The following ALDH3A2 variants were observed in gnomAD, a reference collection of about 807,000 sequenced individuals.
ALDH3A2 encodes aldehyde dehydrogenase family 3 member A2.
In ALDH3A2, 36 loss-of-function variants were observed where a neutral mutation model predicts 51.3. That is an observed-to-expected ratio of 0.70 (90% confidence interval 0.54 to 0.93). The LOEUF (loss-of-function observed/expected upper bound fraction) is 0.93. Among genes scored for constraint, ALDH3A2 ranks in the 40% least tolerant of loss-of-function variants. The pLI is 0.00. For synonymous variants in ALDH3A2, 199 were observed against 219.8 expected (o/e 0.91, Z 0.84); for missense variants, 552 against 603.1 (o/e 0.92, Z 0.89).
chr17:19,654,372 C>T lies in ALDH3A2; in HGVS notation c.471+1740C>T, dbSNP rs995103663. Reference sequence around the variant, plus strand: ...GCGCTGTGGAGCAGGGGGCGGCGCCCATCAGGGAGGCTCGGGCAGCATGGG... The same window carrying T: ...GCGCTGTGGAGCAGGGGGCGGCGCCTATCAGGGAGGCTCGGGCAGCATGGG... On this transcript the variant is annotated intron_variant, in intron 3 of 9. Coordinates refer to ENST00000176643, the MANE Select transcript of ALDH3A2 (RefSeq NM_000382.3). This position sits in a 1 kb window ranked among gnomAD's most constrained non-coding sequence, Gnocchi z 4.5. Among the ~76,000 whole-genome samples, 1 of 152,222 alleles carries T rather than the reference C, an allele frequency of 6.6e-6. No homozygotes were observed. Among genetic ancestry groups the T allele is most frequent in the African/African-American group, 2.4e-5 (1 of 41,466 alleles).
At chr17:19,653,406 G>A (rs954557199) in intron 3 of ALDH3A2, among the ~76,000 whole-genome samples, 3 of 152,158 alleles carry the variant, frequency 2.0e-5, no homozygotes, top group Admixed American at 1.3e-4. Context: ...GACCCTTGCA[G>A]TGAGTGTTAC....
chr17:19,675,281 A>C (rs1028318920), intron 9 of ALDH3A2: 8 of 445,978 alleles, frequency 1.8e-5, no homozygotes, highest in African/African-American at 3.9e-5. Flanking sequence ...CTCTACTCTG[A>C]CATTAGCTAG....
At chr17:19,661,439 T>C (rs2084965456) in intron 6 of ALDH3A2, 171 bp downstream of exon 6, 1 of 768,878 alleles carries the variant, frequency 1.3e-6, no homozygotes, top group Admixed American at 2.7e-5. Flanking sequence ...CTATTTAAAA[T>C]GTCTGTGTTT....
rs1019843954 is a variant in ALDH3A2 at position 19,676,650 on chromosome 17, C to T, written c.*1078C>T. 6.6e-6 allele frequency: 1 copy of T among 152,158 alleles called. No individual in the cohort carries two copies. The highest frequency in any genetic ancestry group is 1.5e-5 in the Non-Finnish European group (1 of 68,054). The allele number at this position is 152,158 out of a possible 1,614,324, so 9.4% of individuals were successfully genotyped here. On this transcript the variant is annotated 3_prime_UTR_variant, in exon 10 of 10. Coordinates refer to ENST00000176643, the MANE Select transcript of ALDH3A2 (RefSeq NM_000382.3). ...CTTGGGCAACAGAGCAAGACCCTGT[C>T]TCCGAAACAAATAAAAAATACTGTA...
In ALDH3A2 at chr17:19,661,357, TA is replaced by T. The variant is rs758544207; in HGVS notation, c.940+90del. 3 of 1,442,110 alleles carry T rather than the reference TA, an allele frequency of 2.1e-6. No individual in the cohort carries two copies. In the African/African-American group the frequency reaches 4.2e-5, roughly 20 times the overall value. 89.3% of individuals were successfully genotyped at this position (1,442,110 alleles called of 1,614,324 possible). A position where few individuals can be genotyped will look rare whatever the true frequency, so the allele number is the denominator to read the frequency against. On this transcript the variant is annotated intron_variant, in intron 6 of 9. Coordinates refer to ENST00000176643, the MANE Select transcript of ALDH3A2 (RefSeq NM_000382.3). Reference sequence around the variant, plus strand: ...TATTAACACTAGATAAACTATTAAATATATAGCATTTAATTGTTAAAGTACT... The same window carrying T: ...TATTAACACTAGATAAACTATTAAATTATAGCATTTAATTGTTAAAGTACT...
chr17:19,662,004 T>C (rs2084972903), intron 6 of ALDH3A2: 1 of 152,170 alleles, frequency 6.6e-6, no homozygotes, highest in East Asian at 1.9e-4. Flanking sequence ...AAAACCCTGA[T>C]TCTTTGTACT....
chr17:19,656,933 C>T (rs1014386942), intron 4 of ALDH3A2, among the ~76,000 whole-genome samples: 2 of 152,168 alleles, frequency 1.3e-5, no homozygotes, highest in African/African-American at 4.8e-5. Flanking sequence ...TTTAAATGCC[C>T]ATTTGAGAGG....
At chr17:19,665,190 GT>G in intron 8 of ALDH3A2, 143 bp downstream of exon 8, 1 of 759,646 alleles carries the variant, frequency 1.3e-6, no homozygotes, top group African/African-American at 1.7e-5. Flanking sequence ...TGGTCACCCA[GT>G]TGACTGGTTT....
chr17:19,652,913 C>G (rs73310742), intron 3 of ALDH3A2, among the ~76,000 whole-genome samples: 134 of 152,126 alleles, frequency 8.8e-4, no homozygotes, highest in African/African-American at 3.0e-3. Context: ...TTTGAGCTAA[C>G]ATGATTTTAG....
At chr17:19,651,519 A>G in intron 1 of ALDH3A2, 28 bp from the exon 2 acceptor site, 1 of 1,569,580 alleles carries the variant, frequency 6.4e-7, no homozygotes. Context: ...CTTACTCTGC[A>G]AGATTAACTG....
Position 19,650,765 on chromosome 17 carries a change from T to TAG in ALDH3A2, c.154-782_154-781insAG, listed in dbSNP as rs542468882. Among the ~76,000 whole-genome samples the TAG allele has an allele frequency of 1.2e-4, 19 of 152,320 alleles. 1 individual carries two copies. Among genetic ancestry groups the TAG allele is most frequent in the African/African-American group, 4.1e-4 (17 of 41,576 alleles). On this transcript the variant is annotated intron_variant, in intron 1 of 9. Coordinates refer to ENST00000176643, the MANE Select transcript of ALDH3A2 (RefSeq NM_000382.3). ...ACCGTGCCTGGCCTATCATCTTGTT[T>TAG]TTACTTTTTATCTGCATTACATGTG...
intron 8 of ALDH3A2, among the ~76,000 whole-genome samples, chr17:19,667,152 T>G (rs1597568540): frequency 6.6e-6 from 1 of 152,316 alleles, no homozygotes. Context: ...CATCTGAATA[T>G]TCTATTCAAA....
intron 8 of ALDH3A2, among the ~76,000 whole-genome samples, chr17:19,667,444 T>A (rs1597568783): frequency 6.6e-6 from 1 of 152,238 alleles, no homozygotes; most frequent in Non-Finnish European, 1.5e-5. Context: ...CTTATACAAT[T>A]TTCCAAATTG....
Sources: allele counts gnomAD v4.1 joint callset (sites outside exome capture counted in the v4.1 genomes callset), GRCh38; gene constraint gnomAD v4.1.1; non-coding constraint Gnocchi (gnomAD v3.1); transcripts MANE v1.5; gene names NCBI Gene and HGNC (gene_info 2026-07-23, HGNC 2026-07-21).